Variants in NAA25 observed in about 807,000 individuals in gnomAD.
NAA25 encodes N-alpha-acetyltransferase 25, NatB auxiliary subunit.
A neutral mutation model predicts 132.5 loss-of-function variants in NAA25; 30 were observed. The observed-to-expected ratio is 0.23, with a 90% CI of 0.17 to 0.31. NAA25 has a LOEUF of 0.31. Ranked by LOEUF, NAA25 falls within the 10% of genes least tolerant of loss-of-function variation. The pLI is 1.00. For synonymous variants in NAA25, 359 were observed against 401.9 expected, an observed-to-expected ratio of 0.89 and a Z score of 1.28; for missense variants, 771 against 1,150.4, an observed-to-expected ratio of 0.67 and a Z score of 4.77.
In NAA25 at chr12:112,075,557, C is replaced by T. The variant is rs118113780; in HGVS notation, c.776+121G>A. On this transcript the variant is annotated intron_variant, in intron 8 of 23. Transcript: ENST00000261745. Reference sequence around the variant, plus strand: ...TAAAAACTTTTAGAAACATGCAGGACACAACTACTATAAGAAGACTTTATG... The same window carrying T: ...TAAAAACTTTTAGAAACATGCAGGATACAACTACTATAAGAAGACTTTATG... The T allele has an allele frequency of 8.7e-3, 6,319 of 722,836 alleles. 38 individuals carry two copies. Among genetic ancestry groups the T allele is most frequent in the Non-Finnish European group, 0.012 (5,271 of 438,726 alleles). The allele number at this position is 722,836 out of a possible 1,614,324, so 44.8% of individuals were successfully genotyped here.
intron 11 of NAA25, among the ~76,000 whole-genome samples, chr12:112,062,770 A>C (rs1441997110): frequency 6.6e-6 from 1 of 152,086 alleles, no homozygotes; most frequent in Non-Finnish European, 1.5e-5. Context: ...GAATATGTGA[A>C]GAGGCCGGGA....
intron 1 of NAA25, among the ~76,000 whole-genome samples, chr12:112,100,099 T>A (rs1162559847): frequency 6.6e-6 from 1 of 152,314 alleles, no homozygotes; most frequent in South Asian, 2.1e-4. Flanking sequence ...ATGTGCAAGA[T>A]TGCAAGGGAC....
At chr12:112,052,422 C>T (rs1241225468) in intron 15 of NAA25, among the ~76,000 whole-genome samples, 2 of 152,070 alleles carry the variant, frequency 1.3e-5, no homozygotes, top group Non-Finnish European at 2.9e-5. Context: ...AAGGGGGCCA[C>T]TTTGGGGAGG....
At chr12:112,034,775 C>A (rs1240054890) in intron 22 of NAA25, 1 of 146,390 alleles carries the variant, frequency 6.8e-6, no homozygotes, top group Non-Finnish European at 1.5e-5. Context: ...TCCGCCGCCA[C>A]TGCACTCCAG....
At chr12:112,067,480 G>A (rs1194371523) in intron 11 of NAA25, among the ~76,000 whole-genome samples, 3 of 152,092 alleles carry the variant, frequency 2.0e-5, no homozygotes, top group African/African-American at 4.8e-5. Flanking sequence ...AGGCTGAGGC[G>A]GGTGGATCAC....
intron 23 of NAA25, among the ~76,000 whole-genome samples, chr12:112,031,043 G>C (rs1325298508): frequency 6.6e-6 from 1 of 151,780 alleles, no homozygotes; most frequent in East Asian, 1.9e-4. Flanking sequence ...GCCTCCCAAA[G>C]TGCTGAGATT....
At chr12:112,083,136 T>C (rs1388705133) in intron 4 of NAA25, among the ~76,000 whole-genome samples, 3 of 151,904 alleles carry the variant, frequency 2.0e-5, no homozygotes, top group Non-Finnish European at 2.9e-5. Context: ...GGTGAGGTGA[T>C]GAGGCACAAA....
intron 1 of NAA25, among the ~76,000 whole-genome samples, chr12:112,106,056 T>C (rs1215752015): frequency 6.6e-6 from 1 of 152,182 alleles, no homozygotes; most frequent in African/African-American, 2.4e-5. Context: ...AAAAGTCAAA[T>C]GTGCTTAAGT....
At chr12:112,098,574 GAGGA>G (rs1441793611) in intron 1 of NAA25, among the ~76,000 whole-genome samples, 2 of 152,318 alleles carry the variant, frequency 1.3e-5, no homozygotes, top group East Asian at 3.9e-4. Context: ...GTTTGGCCAT[GAGGA>G]ATGGTGCTGT....
chr12:112,108,619 C>T, intron 1 of NAA25, 97 bp downstream of exon 1: 2 of 1,199,596 alleles, frequency 1.7e-6, no homozygotes, highest in South Asian at 4.0e-5. Flanking sequence ...CTGCCCGGCC[C>T]GCGCGCCGGC....
intron 1 of NAA25, among the ~76,000 whole-genome samples, chr12:112,101,539 T>A (rs556542287): frequency 1.3e-5 from 2 of 152,182 alleles, no homozygotes; most frequent in African/African-American, 4.8e-5. Context: ...GGTGGATTGC[T>A]TGAGGTCAGG....
chr12:112,094,056 G>A (rs574878549), intron 1 of NAA25, among the ~76,000 whole-genome samples: 9 of 151,892 alleles, frequency 5.9e-5, no homozygotes, highest in African/African-American at 1.9e-4. Flanking sequence ...TGGCTAACAT[G>A]GTGGAAAACC....
At chr12:112,102,515 GT>G (rs1317113628) in intron 1 of NAA25, among the ~76,000 whole-genome samples, 1 of 152,138 alleles carries the variant, frequency 6.6e-6, no homozygotes, top group Non-Finnish European at 1.5e-5. Flanking sequence ...CTAGGTCAGG[GT>G]TTTTTGTTGT....
At chr12:112,102,295 C>T (rs550125409) in intron 1 of NAA25, among the ~76,000 whole-genome samples, 1 of 152,152 alleles carries the variant, frequency 6.6e-6, no homozygotes, top group South Asian at 2.1e-4. Context: ...ATCACTTGAG[C>T]TCAGGAGGTC....
intron 1 of NAA25, among the ~76,000 whole-genome samples, chr12:112,098,692 T>G (rs1390035356): frequency 6.6e-6 from 1 of 152,154 alleles, no homozygotes; most frequent in Non-Finnish European, 1.5e-5. Flanking sequence ...CACGGGTGAG[T>G]GCCATTCCAA....
chr12:112,091,431 G>GT (rs1006167853), intron 2 of NAA25, among the ~76,000 whole-genome samples: 11 of 152,100 alleles, frequency 7.2e-5, no homozygotes, highest in African/African-American at 2.7e-4. Flanking sequence ...GCTCACGAAT[G>GT]TAACCCCAGC....
chr12:112,060,210 G>T, intron 13 of NAA25, 60 bp downstream of exon 13: 1 of 1,040,220 alleles, frequency 9.6e-7, no homozygotes, highest in Non-Finnish European at 1.5e-6. Context: ...ATGAAAGAAT[G>T]CAGTACTTAT....
intron 1 of NAA25, among the ~76,000 whole-genome samples, chr12:112,108,395 C>T (rs552840676): frequency 2.0e-5 from 3 of 152,362 alleles, no homozygotes; most frequent in East Asian, 3.9e-4. Flanking sequence ...GATCTCCGGT[C>T]TCCCTAGGAG....
chr12:112,031,413 G>A (rs1236236327), intron 23 of NAA25, among the ~76,000 whole-genome samples: 2 of 152,204 alleles, frequency 1.3e-5, no homozygotes, highest in East Asian at 1.9e-4. Flanking sequence ...ACATAAGGCC[G>A]ATTATTGCTT....
Sources: gnomAD v4.1 joint callset for allele counts (sites outside exome capture counted in the v4.1 genomes callset) on GRCh38, gnomAD v4.1.1 for gene constraint, MANE v1.5 for transcripts, NCBI Gene and HGNC (gene_info 2026-07-23, HGNC 2026-07-21) for gene names.